ARHGEF28: variants seen among roughly 807,000 people sequenced by gnomAD.
ARHGEF28 encodes 190 kDa guanine nucleotide exchange factor.
ARHGEF28 carries 152 observed loss-of-function variants against 206.6 expected under a neutral mutation model. That is an observed-to-expected ratio of 0.74 (90% CI 0.64 to 0.84). ARHGEF28 has a LOEUF of 0.84. Among genes scored for constraint, ARHGEF28 ranks in the 40% least tolerant of loss-of-function variants. ARHGEF28 has a pLI of 0.00. For missense variants in ARHGEF28, 2,028 were observed against 2,073.2 expected (o/e 0.98, Z 0.42); for synonymous variants, 763 against 776.4 (o/e 0.98, Z 0.29).
At chr5:73,856,948 C>G (rs982365007) in intron 14 of ARHGEF28, among the ~76,000 whole-genome samples, 1 of 152,078 alleles carries the variant, frequency 6.6e-6, no homozygotes, top group Non-Finnish European at 1.5e-5. Flanking sequence ...CTTTCATAGT[C>G]TGCATATGTT....
chr5:73,853,970 C>T (rs926923346), intron 14 of ARHGEF28, among the ~76,000 whole-genome samples: 1 of 152,184 alleles, frequency 6.6e-6, no homozygotes, highest in Non-Finnish European at 1.5e-5. Flanking sequence ...AATATTTTCA[C>T]TTTGATGGCA....
intron 2 of ARHGEF28, among the ~76,000 whole-genome samples, chr5:73,703,010 G>A (rs139989612): frequency 2.5e-4 from 38 of 152,260 alleles, no homozygotes; most frequent in Non-Finnish European, 3.8e-4. Flanking sequence ...TGTTTGGGTA[G>A]GAAAAGTGAT....
At chr5:73,728,194 A>G (rs1221416364) in intron 2 of ARHGEF28, among the ~76,000 whole-genome samples, 2 of 152,212 alleles carry the variant, frequency 1.3e-5, no homozygotes, top group Admixed American at 1.3e-4. Flanking sequence ...CTGTCATTGA[A>G]GCCATAAGTA....
chr5:73,644,038 C>A (rs565212551), intron 1 of ARHGEF28, among the ~76,000 whole-genome samples: 13 of 129,450 alleles, frequency 1.0e-4, no homozygotes, highest in Non-Finnish European at 2.1e-4. Flanking sequence ...TAGTGAGAGT[C>A]TGTCTTATAG....
At chr5:73,741,630 A>G (rs2112377721) in intron 2 of ARHGEF28, among the ~76,000 whole-genome samples, 1 of 142,600 alleles carries the variant, frequency 7.0e-6, no homozygotes, top group Middle Eastern at 3.6e-3. Context: ...CATGTTGGCC[A>G]GGCTAGTCTC....
chr5:73,924,941 T>C (rs931616453), intron 35 of ARHGEF28, among the ~76,000 whole-genome samples: 1 of 152,218 alleles, frequency 6.6e-6, no homozygotes, highest in Non-Finnish European at 1.5e-5. Flanking sequence ...ACTCACTGCA[T>C]GCGGCATACC....
chr5:73,830,413 G>T (rs540327090), intron 9 of ARHGEF28, among the ~76,000 whole-genome samples: 170 of 152,128 alleles, frequency 1.1e-3, no homozygotes, highest in African/African-American at 3.9e-3. Flanking sequence ...AATTAACTGG[G>T]TGTGGTGGCG....
intron 1 of ARHGEF28, among the ~76,000 whole-genome samples, chr5:73,630,260 C>T (rs1488079389): frequency 6.6e-6 from 1 of 152,146 alleles, no homozygotes. Flanking sequence ...AGACTTACTC[C>T]TTTTCTTCCA....
Position 73,840,682 on chromosome 5 carries a change from G to T in ARHGEF28, c.1349G>T (p.Ser450Ile). Residue 450 changes from serine (S) to isoleucine (I), a missense_variant, in exon 11 of 36, where the codon AGT becomes ATT. Ser to Ile is a moderately radical substitution (Grantham distance 142). Coordinates refer to ENST00000513042, the MANE Select transcript of ARHGEF28 (RefSeq NM_001177693.2). ...CAGCAGTCCTTCATGTCACCATCAA[G>T]TTCGTGTGCTTCCAACTTGAATCTT... ...EAQQSFMSPSSSCASNLNLSF... is the reference protein window; with the variant it reads ...EAQQSFMSPSISCASNLNLSF... 1 of 1,613,268 alleles carries T rather than the reference G, an allele frequency of 6.2e-7. No individual in the cohort carries two copies. Among genetic ancestry groups the T allele is most frequent in the Non-Finnish European group, 8.5e-7 (1 of 1,179,518 alleles).
At chr5:73,915,147 G>T (rs1436001686) in intron 35 of ARHGEF28, among the ~76,000 whole-genome samples, 1 of 148,614 alleles carries the variant, frequency 6.7e-6, no homozygotes, top group Non-Finnish European at 1.5e-5. Flanking sequence ...TGTTTTTATT[G>T]GTTTTTTTTT....
intron 2 of ARHGEF28, among the ~76,000 whole-genome samples, chr5:73,744,520 C>T (rs1751614180): frequency 1.3e-5 from 2 of 150,560 alleles, no homozygotes; most frequent in African/African-American, 4.9e-5. Flanking sequence ...TACACTTGTT[C>T]TACAGGAAAG....
chr5:73,741,609 T>TG (rs1325933017), intron 2 of ARHGEF28, among the ~76,000 whole-genome samples: 5 of 150,096 alleles, frequency 3.3e-5, no homozygotes, highest in Non-Finnish European at 7.4e-5. Context: ...TTAGTAGAGA[T>TG]GGGGTTTCAC....
At chr5:73,690,531 A>G (rs1747752765) in intron 2 of ARHGEF28, among the ~76,000 whole-genome samples, 1 of 144,756 alleles carries the variant, frequency 6.9e-6, no homozygotes, top group Non-Finnish European at 1.5e-5. Context: ...TTTACAAAAA[A>G]AAAAAAAAAA....
intron 2 of ARHGEF28, among the ~76,000 whole-genome samples, chr5:73,690,988 A>C (rs1015509032): frequency 1.3e-5 from 2 of 151,760 alleles, no homozygotes; most frequent in Admixed American, 1.3e-4. Context: ...TGGGGAGTGT[A>C]GTGCGATCTT....
In ARHGEF28 at chr5:73,870,054, C is replaced by G. The variant is rs1351154311; in HGVS notation, c.2426-15C>G. The G allele has an allele frequency of 1.9e-6, 3 of 1,605,990 alleles. No homozygotes were observed. Among genetic ancestry groups the G allele is most frequent in the African/African-American group, 1.3e-5 (1 of 74,190 alleles). ...TTATTGTACTTCTGGCTTTTCTTTT[C>G]TAAACACACATTAGATGTTGTGGAT... On this transcript the variant is annotated splice_polypyrimidine_tract_variant and intron_variant, in intron 20 of 35. Transcript: ENST00000513042.
At chr5:73,757,982 T>C (rs1320308892) in intron 4 of ARHGEF28, among the ~76,000 whole-genome samples, 1 of 152,202 alleles carries the variant, frequency 6.6e-6, no homozygotes, top group East Asian at 1.9e-4. Flanking sequence ...ATTCTAATGT[T>C]TTATGTGTTG....
At chr5:73,902,056 G>A (rs1762300813) in intron 31 of ARHGEF28, 1 of 152,058 alleles carries the variant, frequency 6.6e-6, no homozygotes, top group South Asian at 2.1e-4. Flanking sequence ...GCCAATATGT[G>A]TCAATGTGAA....
chr5:73,792,770 C>T (rs755553902), intron 7 of ARHGEF28, among the ~76,000 whole-genome samples: 7 of 151,426 alleles, frequency 4.6e-5, no homozygotes, highest in Non-Finnish European at 8.8e-5. Flanking sequence ...TGCCAAATAC[C>T]ATGGTAGGTG....
chr5:73,928,437 A>C (rs1195484395), intron 35 of ARHGEF28, among the ~76,000 whole-genome samples: 1 of 152,208 alleles, frequency 6.6e-6, no homozygotes, highest in African/African-American at 2.4e-5. Flanking sequence ...ACAGCAAAAA[A>C]ATTAAAAATT....
Sources: allele counts gnomAD v4.1 joint callset (sites outside exome capture counted in the v4.1 genomes callset), GRCh38; gene constraint gnomAD v4.1.1; transcripts MANE v1.5; gene names NCBI Gene and HGNC (gene_info 2026-07-23, HGNC 2026-07-21).